ZNF675: variants seen among roughly 807,000 people sequenced by gnomAD.
ZNF675 encodes zinc finger protein 675.
A neutral mutation model predicts 56.1 loss-of-function variants in ZNF675; 36 were observed. The observed-to-expected ratio is 0.64, with a 90% confidence interval of 0.49 to 0.85. The LOEUF is 0.85. ZNF675 is among the 40% of genes least tolerant of loss of function. The pLI is 0.00. For synonymous variants in ZNF675, 200 were observed against 218.9 expected, an observed-to-expected ratio of 0.91 and a Z score of 0.76; for missense variants, 663 against 654.2, an observed-to-expected ratio of 1.01 and a Z score of -0.15.
At position 23,658,124 on chromosome 19, in the gene ZNF675, G is replaced by C. The variant is rs191661736; in HGVS notation, c.227-3418C>G. Among the ~76,000 whole-genome samples the C allele has an allele frequency of 4.8e-3, 732 of 152,156 alleles. 4 individuals are homozygous for C. The highest frequency in any genetic ancestry group is 7.8e-3 in the Non-Finnish European group (530 of 68,022). ...CGTCTGTAATCCCAGCACATTAGGA[G>C]GTGAGGCTGGCAGATCACAAGTTCA... On this transcript the variant is annotated intron_variant, in intron 3 of 3. Coordinates refer to ENST00000359788, the MANE Select transcript of ZNF675 (RefSeq NM_138330.3).
At position 23,661,309 on chromosome 19, in the gene ZNF675, C is replaced by T. The variant is rs1599412154; in HGVS notation, c.226+805G>A. 3.3e-5 allele frequency among the ~76,000 whole-genome samples: 5 copies of T among 152,034 alleles called. No homozygotes were observed. The South Asian group carries it at 8.3e-4, about 25-fold the overall frequency. ...TACAGGCGTGAGCCACCGTGCCTGG[C>T]CCTTGAGCCGATGCCCAGCCCTTTA... On this transcript the variant is annotated intron_variant, in intron 3 of 3. Coordinates refer to ENST00000359788, the MANE Select transcript of ZNF675 (RefSeq NM_138330.3).
At chr19:23,683,365 G>T (rs939812771) in intron 1 of ZNF675, among the ~76,000 whole-genome samples, 16 of 149,954 alleles carry the variant, frequency 1.1e-4, no homozygotes, top group African/African-American at 3.8e-4. Flanking sequence ...ATGTTTTCAT[G>T]AATCTATGTA....
chr19:23,671,076 C>T (rs1599418702), intron 1 of ZNF675, among the ~76,000 whole-genome samples: 2 of 152,126 alleles, frequency 1.3e-5, no homozygotes, highest in South Asian at 4.1e-4. Flanking sequence ...CAGAAGGTTA[C>T]ACAAAGCAAG....
intron 1 of ZNF675, among the ~76,000 whole-genome samples, chr19:23,666,403 C>A (rs1968151375): frequency 6.6e-6 from 1 of 152,174 alleles, no homozygotes; most frequent in Non-Finnish European, 1.5e-5. Context: ...CTAATCAGAG[C>A]AATTGTGGGC....
chr19:23,663,177 C>G lies in ZNF675; in HGVS notation c.4-19G>C. 2 of 1,592,766 alleles carry G rather than the reference C, an allele frequency of 1.3e-6. No individual in the cohort carries two copies. Among genetic ancestry groups the G allele is most frequent in the Non-Finnish European group, 1.7e-6 (2 of 1,170,928 alleles). On this transcript the variant is annotated intron_variant, in intron 1 of 3. Coordinates refer to ENST00000359788, the MANE Select transcript of ZNF675 (RefSeq NM_138330.3). ...ACAGTCCCTGAAAAACACATACACA[C>G]AAACATATTCACCAGGTAGCCAACA...
chr19:23,661,880 T>C (rs779208770), intron 3 of ZNF675: 34 of 405,222 alleles, frequency 8.4e-5, no homozygotes, highest in African/African-American at 6.6e-4. Flanking sequence ...CGGACACTGG[T>C]TCTCACCGAA....
intron 1 of ZNF675, among the ~76,000 whole-genome samples, chr19:23,671,295 G>A (rs1968223754): frequency 6.6e-6 from 1 of 152,134 alleles, no homozygotes. Flanking sequence ...TGTTTATGGT[G>A]TATAACAATT....
intron 1 of ZNF675, among the ~76,000 whole-genome samples, chr19:23,669,875 AC>A (rs961509074): frequency 3.7e-5 from 5 of 136,662 alleles, no homozygotes; most frequent in African/African-American, 8.1e-5. Context: ...AAAAAAAAAA[AC>A]AACACCTCAT....
At chr19:23,664,768 T>C (rs6511471) in intron 1 of ZNF675, among the ~76,000 whole-genome samples, 147,103 of 152,050 alleles carry the variant, frequency 0.97, 71,311 homozygotes, top group East Asian at 1. Flanking sequence ...CTGGCCAACA[T>C]GGCAAAACCC....
intron 1 of ZNF675, among the ~76,000 whole-genome samples, chr19:23,672,007 A>C (rs190737251): frequency 6.6e-6 from 1 of 152,064 alleles, no homozygotes; most frequent in East Asian, 1.9e-4. Flanking sequence ...GACATTTTCA[A>C]ATTTCTCAAG....
At chr19:23,673,055 A>C (rs748084077) in intron 1 of ZNF675, among the ~76,000 whole-genome samples, 9 of 152,252 alleles carry the variant, frequency 5.9e-5, no homozygotes, top group Non-Finnish European at 1.3e-4. Context: ...GAATACATAT[A>C]GTTGAAAGTG....
chr19:23,671,969 CAT>C (rs1423546755), intron 1 of ZNF675, among the ~76,000 whole-genome samples: 4 of 152,052 alleles, frequency 2.6e-5, no homozygotes, highest in African/African-American at 9.7e-5. Context: ...ATTAACCACT[CAT>C]GTCAGCCTTA....
chr19:23,674,529 G>C (rs745512797), intron 1 of ZNF675, among the ~76,000 whole-genome samples: 7 of 149,810 alleles, frequency 4.7e-5, no homozygotes, highest in Admixed American at 6.6e-5. Flanking sequence ...TGTAATCCCA[G>C]CTACTCGGGA....
At chr19:23,665,556 C>T (rs899171489) in intron 1 of ZNF675, among the ~76,000 whole-genome samples, 9 of 151,832 alleles carry the variant, frequency 5.9e-5, no homozygotes, top group Admixed American at 3.9e-4. Flanking sequence ...AGTGCAGTGG[C>T]GTGATCTCGA....
At chr19:23,684,135 AC>A (rs1336934605) in intron 1 of ZNF675, among the ~76,000 whole-genome samples, 1 of 150,932 alleles carries the variant, frequency 6.6e-6, no homozygotes, top group Admixed American at 6.6e-5. Flanking sequence ...GGTGGCGGGC[AC>A]CTGTAATCCC....
intron 1 of ZNF675, among the ~76,000 whole-genome samples, chr19:23,679,166 C>CAAA (rs33936196): frequency 0.53 from 52,161 of 98,868 alleles, 15,735 homozygotes; most frequent in African/African-American, 0.75. Flanking sequence ...GACTCCGTCT[C>CAAA]AAAAAAAAAA....
rs545249455 is a variant in ZNF675 at position 23,669,599 on chromosome 19, C to A, written c.4-6441G>T. On this transcript the variant is annotated intron_variant, in intron 1 of 3. Transcript: ENST00000359788. The stretch of plus-strand genomic sequence containing the variant: ...TTAAAAAAGCTCATAGTAGTCCGGG[C>A]GTGGTGGCTCATGCCTGTAATCCCA... Among the ~76,000 whole-genome samples the A allele has an allele frequency of 2.0e-4, 31 of 152,092 alleles. 1 individual carries two copies. The South Asian group carries it at 6.4e-3, about 32-fold the overall frequency.
Position 23,663,083 on chromosome 19 carries a change from T to C in ZNF675, c.79A>G (p.Asn27Asp). 2.5e-6 allele frequency: 4 copies of C among 1,608,568 alleles called. No individual in the cohort carries two copies. The highest frequency in any genetic ancestry group is 3.4e-6 in the Non-Finnish European group (4 of 1,178,006). ...TCTAAAATCACATTTTTATATAAAT[T>C]CCGCTGTGCAGTGTCCAGGCATTGC... ...EWQCLDTAQR[N>D]LYKNVILENY... Residue 27 changes from asparagine to aspartate, a missense_variant, in exon 2 of 4, where the codon AAT becomes GAT. Asn to Asp is a conservative substitution (Grantham distance 23). This residue lies in a region of ZNF675 where 33 missense variants were observed against 31.8 expected (regional missense o/e 1.04). Transcript: ENST00000359788.
At chr19:23,662,973 A>G (rs982390708) in intron 2 of ZNF675, 59 bp downstream of exon 2, 13 of 1,438,754 alleles carry the variant, frequency 9.0e-6, no homozygotes, top group Non-Finnish European at 1.2e-5. Context: ...ACAGAGCCAG[A>G]CTCCGTCTCA....
Sources: allele counts gnomAD v4.1 joint callset (sites outside exome capture counted in the v4.1 genomes callset), GRCh38; gene constraint gnomAD v4.1.1; regional missense constraint gnomAD v4.1.1; transcripts MANE v1.5; gene names NCBI Gene and HGNC (gene_info 2026-07-23, HGNC 2026-07-21).